MDGA2: variants seen among roughly 807,000 people sequenced by gnomAD.
MDGA2 encodes MAM domain containing glycosylphosphatidylinositol anchor 2.
MDGA2 carries 40 observed loss-of-function variants against 117.8 expected under a neutral mutation model. That is an observed-to-expected ratio of 0.34 (90% CI 0.26 to 0.44). The LOEUF (loss-of-function observed/expected upper bound fraction) is 0.44. Among genes scored for constraint, MDGA2 ranks in the 20% least tolerant of loss-of-function variants. The pLI, the probability that MDGA2 is intolerant of heterozygous loss-of-function variation, is 1.00. For synonymous variants in MDGA2, 452 were observed against 439.0 expected, an observed-to-expected ratio of 1.03 and a Z score of -0.37; for missense variants, 1,123 against 1,250.6, an observed-to-expected ratio of 0.90 and a Z score of 1.54.
At chr14:47,126,174 A>T (rs952804483) in intron 5 of MDGA2, among the ~76,000 whole-genome samples, 2 of 152,034 alleles carry the variant, frequency 1.3e-5, no homozygotes, top group African/African-American at 2.4e-5. Flanking sequence ...TATTCATGGC[A>T]ATTTGAATTT....
At chr14:47,001,634 G>C (rs1023853630) in intron 8 of MDGA2, among the ~76,000 whole-genome samples, 1 of 152,010 alleles carries the variant, frequency 6.6e-6, no homozygotes, top group African/African-American at 2.4e-5. Context: ...GTAGTGACCT[G>C]AACAAATGAA....
At chr14:47,093,953 G>A (rs988344084) in intron 6 of MDGA2, among the ~76,000 whole-genome samples, 3 of 152,036 alleles carry the variant, frequency 2.0e-5, no homozygotes, top group Non-Finnish European at 4.4e-5. Context: ...TATATCTACT[G>A]TATCCATGAC....
chr14:47,131,853 A>T lies in MDGA2; in HGVS notation c.793-7T>A. On this transcript the variant is annotated splice_polypyrimidine_tract_variant and splice_region_variant and intron_variant, in intron 4 of 16. Transcript: ENST00000399232. Reference sequence around the variant, plus strand: ...TTAAGATCTTTGTTTCACCCTGAAAATGTACACAAAAAATAAAAGTCATTA... The same window carrying T: ...TTAAGATCTTTGTTTCACCCTGAAATTGTACACAAAAAATAAAAGTCATTA... The T allele has an allele frequency of 1.9e-6, 3 of 1,554,770 alleles. No homozygotes were observed. Among genetic ancestry groups the T allele is most frequent in the Non-Finnish European group, 2.6e-6 (3 of 1,139,322 alleles).
intron 7 of MDGA2, among the ~76,000 whole-genome samples, chr14:47,046,667 T>A (rs1039577673): frequency 6.6e-6 from 1 of 151,866 alleles, no homozygotes; most frequent in African/African-American, 2.4e-5. Context: ...AAACTGTATT[T>A]ATGTATAAGC....
rs1449616746 is a variant in MDGA2, at chr14:46,840,365, G to A, written c.*1566C>T. ...TTCTTAGACAAAAGTCTTTTTAAAT[G>A]AAGTTAAAAGCTGAGATAATTTAAG... On this transcript the variant is annotated 3_prime_UTR_variant, in exon 17 of 17. Coordinates refer to ENST00000399232, the MANE Select transcript of MDGA2 (RefSeq NM_001113498.3). The A allele has an allele frequency of 6.6e-6, 1 of 152,260 alleles. No individual in the cohort carries two copies. The highest frequency in any genetic ancestry group is 1.5e-5 in the Non-Finnish European group (1 of 67,956). The allele number at this position is 152,260 out of a possible 1,614,324, so 9.4% of individuals were successfully genotyped here.
intron 2 of MDGA2, among the ~76,000 whole-genome samples, chr14:47,245,767 C>G (rs1196855383): frequency 6.6e-6 from 1 of 151,654 alleles, no homozygotes; most frequent in Non-Finnish European, 1.5e-5. Context: ...ATGTTAAAGT[C>G]GTTCATTACC....
At chr14:47,242,952 T>C (rs1248872639) in intron 2 of MDGA2, among the ~76,000 whole-genome samples, 1 of 151,766 alleles carries the variant, frequency 6.6e-6, no homozygotes, top group Non-Finnish European at 1.5e-5. Context: ...AGTTCAGGGA[T>C]TGTAAATGCA....
intron 1 of MDGA2, among the ~76,000 whole-genome samples, chr14:47,660,104 T>G (rs1294496495): frequency 6.6e-6 from 1 of 152,114 alleles, no homozygotes; most frequent in East Asian, 1.9e-4. Flanking sequence ...TACTACAGAA[T>G]TAATGAATTG....
intron 1 of MDGA2, among the ~76,000 whole-genome samples, chr14:47,544,436 C>T (rs756181525): frequency 6.6e-6 from 1 of 152,100 alleles, no homozygotes; most frequent in African/African-American, 2.4e-5. Flanking sequence ...GTTGCCTCTT[C>T]AAATCCAATT....
chr14:46,873,897 T>C, intron 13 of MDGA2, 148 bp downstream of exon 13: 1 of 712,278 alleles, frequency 1.4e-6, no homozygotes, highest in East Asian at 3.3e-5. Context: ...CTACAAAGTT[T>C]TGTAAATATC....
chr14:47,143,557 C>T (rs562474583), intron 4 of MDGA2, among the ~76,000 whole-genome samples: 5 of 152,102 alleles, frequency 3.3e-5, no homozygotes, highest in Non-Finnish European at 5.9e-5. Context: ...TTTAATGACT[C>T]GTTAAATATT....
Position 47,301,438 on chromosome 14 carries a change from A to G in MDGA2, c.393T>C (p.Cys131=). The change falls in exon 2 of 17, where the codon TGT becomes TGC. Residue 131 remains cysteine (C), a synonymous_variant. Transcript: ENST00000399232. ...GTGGACGTGGATGTCCTGTGACTAG[A>G]CAAGTCAACTCAAGGGTTTCTCCTT... ...IREGETLELT[C]LVTGHPRPQI... is the part of the protein sequence containing the mutation. 1 of 1,551,818 alleles carries G rather than the reference A, an allele frequency of 6.4e-7. No homozygotes were observed. Among genetic ancestry groups the G allele is most frequent in the South Asian group, 1.2e-5 (1 of 84,068 alleles).
chr14:47,065,451 C>G (rs575244007), intron 6 of MDGA2, among the ~76,000 whole-genome samples: 2 of 152,166 alleles, frequency 1.3e-5, no homozygotes, highest in East Asian at 3.9e-4. Flanking sequence ...GTCAATGGTT[C>G]AATGGAAGAC....
rs957398182 is a variant in MDGA2, at chr14:46,855,219, C to A, written c.2753-65G>T. The A allele has an allele frequency of 6.3e-6, 9 of 1,436,754 alleles. No homozygotes were observed. In the Admixed American group the frequency reaches 1.6e-4, roughly 25 times the overall value. 89.0% of individuals were successfully genotyped at this position (1,436,754 alleles called of 1,614,324 possible). ...TCACCTCAAATTTGTTTTTCCTTGA[C>A]CAAACACTTGTAAACTTTTTAAACT... On this transcript the variant is annotated intron_variant, in intron 14 of 16. Coordinates refer to ENST00000399232, the MANE Select transcript of MDGA2 (RefSeq NM_001113498.3). This position sits in a 1 kb window ranked among gnomAD's most constrained non-coding sequence, Gnocchi z 4.1.
At chr14:47,095,973 C>T (rs1879943803) in intron 6 of MDGA2, among the ~76,000 whole-genome samples, 1 of 151,970 alleles carries the variant, frequency 6.6e-6, no homozygotes, top group African/African-American at 2.4e-5. Flanking sequence ...CAACCCAGGA[C>T]CATACCAGGT....
intron 8 of MDGA2, among the ~76,000 whole-genome samples, chr14:46,970,517 A>G (rs1410003709): frequency 1.3e-5 from 2 of 152,192 alleles, no homozygotes; most frequent in Admixed American, 1.3e-4. Context: ...AGAAAACTGG[A>G]TGCCTATCTC....
chr14:47,486,597 C>G lies in MDGA2; in HGVS notation c.281-185047G>C, dbSNP rs941316083. On this transcript the variant is annotated intron_variant, in intron 1 of 16. Transcript: ENST00000399232. Reference sequence around the variant, plus strand: ...ATATGGTTTGGCTCTATGTCTCCACCCAAGTCTCATCATACAGCTCCCATA... The same window carrying G: ...ATATGGTTTGGCTCTATGTCTCCACGCAAGTCTCATCATACAGCTCCCATA... 6.6e-5 allele frequency among the ~76,000 whole-genome samples: 10 copies of G among 152,144 alleles called. No homozygotes were observed. In the East Asian group the frequency reaches 9.7e-4, roughly 15 times the overall value.
chr14:47,562,830 T>C (rs891784218), intron 1 of MDGA2, among the ~76,000 whole-genome samples: 1 of 152,146 alleles, frequency 6.6e-6, no homozygotes, highest in East Asian at 1.9e-4. Context: ...GGTTGTTAAT[T>C]TGAGACTCTG....
At chr14:47,480,032 A>G (rs976924093) in intron 1 of MDGA2, among the ~76,000 whole-genome samples, 34 of 151,998 alleles carry the variant, frequency 2.2e-4, no homozygotes, top group Admixed American at 1.3e-4. Flanking sequence ...CAAATTTCAT[A>G]TGCTAAACTG....
Sources: gnomAD v4.1 joint callset for allele counts (sites outside exome capture counted in the v4.1 genomes callset) on GRCh38, gnomAD v4.1.1 for gene constraint, Gnocchi (gnomAD v3.1) non-coding constraint, MANE v1.5 for transcripts, NCBI Gene and HGNC (gene_info 2026-07-23, HGNC 2026-07-21) for gene names.